The following LRRC4C variants were observed in gnomAD, a reference collection of about 807,000 sequenced individuals.
The protein encoded by LRRC4C is leucine-rich repeat-containing protein 4C.
Under a neutral mutation model 33.6 loss-of-function variants are expected in LRRC4C, and 5 were observed. The observed-to-expected ratio is 0.15, with a 90% confidence interval of 0.08 to 0.31. LRRC4C has a LOEUF of 0.31. Ranked by LOEUF, LRRC4C falls within the 10% of genes least tolerant of loss-of-function variation. LRRC4C has a pLI of 1.00. For missense variants in LRRC4C, 560 were observed against 796.7 expected (o/e 0.70, Z 3.58); for synonymous variants, 329 against 302.0 (o/e 1.09, Z -0.93).
intron 1 of LRRC4C, among the ~76,000 whole-genome samples, chr11:41,286,207 T>C (rs774164121): frequency 9.2e-5 from 14 of 152,190 alleles, no homozygotes; most frequent in Non-Finnish European, 1.9e-4. Context: ...ATTCATACTT[T>C]ATTTTTCTCT....
chr11:40,211,715 T>C (rs987457812), intron 5 of LRRC4C, among the ~76,000 whole-genome samples: 4 of 152,174 alleles, frequency 2.6e-5, no homozygotes, highest in Non-Finnish European at 5.9e-5. Flanking sequence ...AAATGAGATA[T>C]AAGCCAAAAT....
chr11:40,451,881 T>G (rs543758788), intron 3 of LRRC4C, among the ~76,000 whole-genome samples: 1 of 152,244 alleles, frequency 6.6e-6, no homozygotes, highest in Admixed American at 6.5e-5. Context: ...AGACGAATGA[T>G]TTCTGCATTT....
At chr11:41,017,706 C>T (rs1855688963) in intron 1 of LRRC4C, among the ~76,000 whole-genome samples, 1 of 151,106 alleles carries the variant, frequency 6.6e-6, no homozygotes, top group Admixed American at 6.6e-5. Flanking sequence ...GAAAGAAAAG[C>T]TGGGAGACAT....
At chr11:40,495,426 G>T (rs1438733050) in intron 3 of LRRC4C, among the ~76,000 whole-genome samples, 4 of 152,130 alleles carry the variant, frequency 2.6e-5, no homozygotes, top group Non-Finnish European at 5.9e-5. Context: ...TAACCTTTGA[G>T]TAGATTAATA....
At chr11:40,803,687 A>T (rs1951133165) in intron 2 of LRRC4C, among the ~76,000 whole-genome samples, 1 of 152,038 alleles carries the variant, frequency 6.6e-6, no homozygotes, top group African/African-American at 2.4e-5. Context: ...TACTAAAAGG[A>T]TGGTCTCGAT....
intron 3 of LRRC4C, among the ~76,000 whole-genome samples, chr11:40,542,745 A>G (rs1213823731): frequency 6.6e-6 from 1 of 152,038 alleles, no homozygotes; most frequent in Non-Finnish European, 1.5e-5. Flanking sequence ...CCCACATTCT[A>G]AATGTATAGT....
intron 4 of LRRC4C, among the ~76,000 whole-genome samples, chr11:40,273,632 C>G (rs1403797590): frequency 5.3e-5 from 8 of 152,056 alleles, no homozygotes. Flanking sequence ...AACATATTTT[C>G]TCTGCTAGAT....
chr11:40,259,000 T>G (rs1421786913), intron 4 of LRRC4C, among the ~76,000 whole-genome samples: 2 of 152,178 alleles, frequency 1.3e-5, no homozygotes, highest in African/African-American at 4.8e-5. Context: ...TATTAACTTG[T>G]TTAATGCTTG....
At chr11:40,188,631 G>A (rs1861594125) in intron 5 of LRRC4C, among the ~76,000 whole-genome samples, 1 of 152,148 alleles carries the variant, frequency 6.6e-6, no homozygotes, top group Non-Finnish European at 1.5e-5. Context: ...CAAAACTGGT[G>A]CAGAAGGCAG....
chr11:41,269,703 G>T (rs1312687267), intron 1 of LRRC4C, among the ~76,000 whole-genome samples: 1 of 152,098 alleles, frequency 6.6e-6, no homozygotes, highest in Non-Finnish European at 1.5e-5. Context: ...TGTAGACAGT[G>T]ACTTTTCCTC....
intron 1 of LRRC4C, among the ~76,000 whole-genome samples, chr11:41,398,912 C>T (rs182669091): frequency 1.0e-3 from 156 of 151,960 alleles, no homozygotes; most frequent in African/African-American, 3.6e-3. Context: ...GAATCCACTG[C>T]CACTTTGTCT....
At chr11:41,255,181 A>G (rs1243947366) in intron 1 of LRRC4C, among the ~76,000 whole-genome samples, 1 of 152,056 alleles carries the variant, frequency 6.6e-6, no homozygotes, top group South Asian at 2.1e-4. Flanking sequence ...GATACCTGCC[A>G]AATGAATGAA....
chr11:40,857,945 A>G (rs1228599641), intron 2 of LRRC4C, among the ~76,000 whole-genome samples: 1 of 72,900 alleles, frequency 1.4e-5, no homozygotes, highest in Non-Finnish European at 2.9e-5. Context: ...AAGGAAAGGA[A>G]AGAAAGGGAA....
intron 4 of LRRC4C, among the ~76,000 whole-genome samples, chr11:40,260,017 C>A (rs1159731416): frequency 7.0e-6 from 1 of 142,940 alleles, no homozygotes; most frequent in Admixed American, 7.2e-5. Context: ...GGATCTAGAA[C>A]TAGAAATACC....
At chr11:41,409,219 T>C (rs1482947818) in intron 1 of LRRC4C, among the ~76,000 whole-genome samples, 1 of 152,208 alleles carries the variant, frequency 6.6e-6, no homozygotes, top group Non-Finnish European at 1.5e-5. Flanking sequence ...GCTAGATCAT[T>C]ACATTTTTTC....
chr11:40,127,756 G>T (rs1856361617), intron 6 of LRRC4C, among the ~76,000 whole-genome samples: 1 of 152,114 alleles, frequency 6.6e-6, no homozygotes, highest in African/African-American at 2.4e-5. Context: ...ATACGCCCCA[G>T]TTAAAATCCT....
At chr11:40,464,483 A>G (rs940126852) in intron 3 of LRRC4C, among the ~76,000 whole-genome samples, 39 of 152,124 alleles carry the variant, frequency 2.6e-4, no homozygotes, top group Non-Finnish European at 2.2e-4. Context: ...AAGAGGAATC[A>G]GGAAAGAGAA....
intron 1 of LRRC4C, among the ~76,000 whole-genome samples, chr11:41,077,304 C>T (rs1939225631): frequency 6.6e-6 from 1 of 152,220 alleles, no homozygotes; most frequent in Admixed American, 6.5e-5. Flanking sequence ...TTCTCCTCCT[C>T]ACTGACCTAG....
At chr11:41,404,089 C>T (rs1954126781) in intron 1 of LRRC4C, among the ~76,000 whole-genome samples, 1 of 151,926 alleles carries the variant, frequency 6.6e-6, no homozygotes, top group Non-Finnish European at 1.5e-5. Context: ...TTTGGTGATG[C>T]CAACAGTGGT....
Sources: gnomAD v4.1 joint callset for allele counts (sites outside exome capture counted in the v4.1 genomes callset) on GRCh38, gnomAD v4.1.1 for gene constraint, MANE v1.5 for transcripts, NCBI Gene and HGNC (gene_info 2026-07-23, HGNC 2026-07-21) for gene names.